The following PRIMA1 variants were observed in gnomAD, a reference collection of about 807,000 sequenced individuals.
The protein encoded by PRIMA1 is proline-rich membrane anchor 1.
In PRIMA1, 7 loss-of-function variants were observed where a neutral mutation model predicts 17.5. That is an observed-to-expected ratio of 0.40 (90% confidence interval 0.23 to 0.75). PRIMA1 has a LOEUF of 0.75. Ranked by LOEUF, PRIMA1 falls within the 30% of genes least tolerant of loss-of-function variation. The probability of loss-of-function intolerance (pLI) is 0.37; values close to 1 mark genes in which losing one functional copy is unlikely to be tolerated. For synonymous variants in PRIMA1, 97 were observed against 77.9 expected (o/e 1.25, Z -1.29); for missense variants, 200 against 201.8 (o/e 0.99, Z 0.05).
chr14:93,771,893 G>A (rs1315326773), intron 3 of PRIMA1, among the ~76,000 whole-genome samples: 1 of 152,228 alleles, frequency 6.6e-6, no homozygotes, highest in East Asian at 1.9e-4. Flanking sequence ...CTGGAGGGAA[G>A]AGTTAGGCAG....
chr14:93,779,225 CAGCGGGGGA>C lies in PRIMA1; in HGVS notation c.171_179del (p.Leu60_Pro62del). ...GTGGCGGGGGTGGGGGCGGCGGGGGCAGCGGGGGAGGGGGCCGGCACTGGCAGACGTGTC... is the reference window on the plus strand; with the variant it reads ...GTGGCGGGGGTGGGGGCGGCGGGGGCGGGGGCCGGCACTGGCAGACGTGTC... On this transcript the variant is annotated inframe_deletion, in exon 3 of 5. Transcript: ENST00000393140. 1.9e-6 allele frequency: 1 copy of C among 532,658 alleles called. No individual in the cohort carries two copies. The highest frequency in any genetic ancestry group is 2.5e-6 in the Non-Finnish European group (1 of 406,438). The allele number at this position is 532,658 out of a possible 1,614,324, so 33.0% of individuals were successfully genotyped here. A position where few individuals can be genotyped will look rare whatever the true frequency, so the allele number is the denominator to read the frequency against.
At chr14:93,761,175 G>T (rs1005318269) in intron 3 of PRIMA1, among the ~76,000 whole-genome samples, 13 of 151,986 alleles carry the variant, frequency 8.6e-5, no homozygotes, top group African/African-American at 2.7e-4. Context: ...GCGAAACCCT[G>T]TCTCTACTAA....
chr14:93,775,832 G>A (rs1885201606), intron 3 of PRIMA1, among the ~76,000 whole-genome samples: 1 of 152,134 alleles, frequency 6.6e-6, no homozygotes, highest in Non-Finnish European at 1.5e-5. Flanking sequence ...CTTCTATTCG[G>A]ATTTTCCTTT....
chr14:93,760,423 G>T (rs1018362985), intron 3 of PRIMA1, among the ~76,000 whole-genome samples: 1 of 152,002 alleles, frequency 6.6e-6, no homozygotes, highest in African/African-American at 2.4e-5. Context: ...CTTCGTGAAT[G>T]CCATTTCTTC....
At chr14:93,782,312 A>G (rs898674651) in intron 2 of PRIMA1, among the ~76,000 whole-genome samples, 6 of 152,060 alleles carry the variant, frequency 3.9e-5, no homozygotes, top group African/African-American at 1.4e-4. Context: ...ACATACATAA[A>G]TACATAAATA....
chr14:93,726,397 C>A lies in PRIMA1; in HGVS notation c.360-4851G>T, dbSNP rs907052508. ...GGAGGCTGTCTTCCTGCCTCATGCGCCCCTGGGAGAAGTGAAAGTTAAAGG... is the reference window on the plus strand; with the variant it reads ...GGAGGCTGTCTTCCTGCCTCATGCGACCCTGGGAGAAGTGAAAGTTAAAGG... On this transcript the variant is annotated intron_variant, in intron 4 of 4. Coordinates refer to ENST00000393140, the MANE Select transcript of PRIMA1 (RefSeq NM_178013.4). The surrounding 1 kb of genome is among the most constrained non-coding windows in gnomAD (Gnocchi z 4.2). 3.3e-5 allele frequency among the ~76,000 whole-genome samples: 5 copies of A among 152,102 alleles called. No homozygotes were observed. The South Asian group carries it at 1.0e-3, about 32-fold the overall frequency.
At chr14:93,769,797 G>A (rs1167053196) in intron 3 of PRIMA1, among the ~76,000 whole-genome samples, 1 of 152,194 alleles carries the variant, frequency 6.6e-6, no homozygotes, top group Non-Finnish European at 1.5e-5. Flanking sequence ...TGATGATGAA[G>A]CCTAGTTAAA....
intron 3 of PRIMA1, among the ~76,000 whole-genome samples, chr14:93,750,641 A>C (rs2076253998): frequency 1.3e-5 from 2 of 152,154 alleles, no homozygotes; most frequent in African/African-American, 4.8e-5. Context: ...GCAGAGCCTA[A>C]GATACACTAT....
chr14:93,774,496 A>C (rs1885153096), intron 3 of PRIMA1, among the ~76,000 whole-genome samples: 1 of 152,120 alleles, frequency 6.6e-6, no homozygotes. Flanking sequence ...AGACACACAC[A>C]CCAAAGCTCA....
At position 93,742,384 on chromosome 14, in the gene PRIMA1, G is replaced by T. The variant is rs187178648; in HGVS notation, c.230-5014C>A. Among the ~76,000 whole-genome samples, 136 of 152,334 alleles carry T rather than the reference G, an allele frequency of 8.9e-4. 1 individual carries two copies. Among genetic ancestry groups the T allele is most frequent in the African/African-American group, 3.1e-3 (127 of 41,576 alleles). ...ACACAGATGAGGTCTCTCCCCAGGG[G>T]AACTCTGAGAAGAGTAGAAGCAGCC... is the stretch of plus-strand genomic sequence containing the variant. On this transcript the variant is annotated intron_variant, in intron 3 of 4. Transcript: ENST00000393140.
intron 1 of PRIMA1, 85 bp from the exon 2 acceptor site, chr14:93,787,834 C>G: frequency 2.1e-6 from 3 of 1,446,476 alleles, no homozygotes; most frequent in Non-Finnish European, 2.7e-6. Flanking sequence ...CAGCCCGGGT[C>G]GGACGGGCAC....
At chr14:93,742,639 A>AT in intron 3 of PRIMA1, among the ~76,000 whole-genome samples, 1 of 152,110 alleles carries the variant, frequency 6.6e-6, no homozygotes, top group East Asian at 1.9e-4. Context: ...CCAAGGTCCA[A>AT]TGCATGAAAG....
intron 2 of PRIMA1, among the ~76,000 whole-genome samples, chr14:93,781,875 T>C (rs10138921): frequency 0.11 from 16,307 of 151,834 alleles, 997 homozygotes; most frequent in Admixed American, 0.21. Flanking sequence ...CTCAGGATGC[T>C]GAGGCAGAGA....
intron 4 of PRIMA1, among the ~76,000 whole-genome samples, chr14:93,728,898 C>A (rs552339725): frequency 6.6e-6 from 1 of 152,318 alleles, no homozygotes; most frequent in South Asian, 2.1e-4. Context: ...TCTTATCACC[C>A]ATCATGGAAG....
At chr14:93,762,614 C>T (rs1884767597) in intron 3 of PRIMA1, among the ~76,000 whole-genome samples, 1 of 152,126 alleles carries the variant, frequency 6.6e-6, no homozygotes, top group Non-Finnish European at 1.5e-5. Context: ...CCCCAAGTCA[C>T]TGTGGCAGGC....
chr14:93,757,714 T>G (rs2076300200), intron 3 of PRIMA1, among the ~76,000 whole-genome samples: 1 of 151,636 alleles, frequency 6.6e-6, no homozygotes, highest in African/African-American at 2.4e-5. Context: ...GAACATAAGT[T>G]TAGTGGAAAT....
At position 93,720,312 on chromosome 14, in the gene PRIMA1, A is replaced by G. The variant is rs2076029181; in HGVS notation, c.*1132T>C. The G allele has an allele frequency of 6.6e-6, 1 of 152,178 alleles. No homozygotes were observed. The highest frequency in any genetic ancestry group is 1.5e-5 in the Non-Finnish European group (1 of 68,058). 9.4% of individuals were successfully genotyped at this position (152,178 alleles called of 1,614,324 possible). ...TGGAGGACCCCTCTCCTCCTGTCCCATTTCATCCCTTGATCCTCCAACCAC... is the reference window on the plus strand; with the variant it reads ...TGGAGGACCCCTCTCCTCCTGTCCCGTTTCATCCCTTGATCCTCCAACCAC... On this transcript the variant is annotated 3_prime_UTR_variant, in exon 5 of 5. Coordinates refer to ENST00000393140, the MANE Select transcript of PRIMA1 (RefSeq NM_178013.4).
At chr14:93,729,603 A>T (rs1244484909) in intron 4 of PRIMA1, among the ~76,000 whole-genome samples, 2 of 152,120 alleles carry the variant, frequency 1.3e-5, no homozygotes, top group East Asian at 3.9e-4. Context: ...GGCCTGGCCA[A>T]CCTTTTCTTC....
intron 3 of PRIMA1, among the ~76,000 whole-genome samples, chr14:93,762,707 T>A (rs769144061): frequency 2.6e-4 from 40 of 151,860 alleles, no homozygotes; most frequent in Admixed American, 7.9e-4. Flanking sequence ...AGGGAGTGAG[T>A]CAGATCGTTC....
Sources: allele counts gnomAD v4.1 joint callset (sites outside exome capture counted in the v4.1 genomes callset), GRCh38; gene constraint gnomAD v4.1.1; non-coding constraint Gnocchi (gnomAD v3.1); transcripts MANE v1.5; gene names NCBI Gene and HGNC (gene_info 2026-07-23, HGNC 2026-07-21).